ABLIM1: variants seen among roughly 807,000 people sequenced by gnomAD.
ABLIM1 encodes actin-binding LIM protein 1.
ABLIM1 carries 40 observed loss-of-function variants against 107.0 expected under a neutral mutation model. That is an observed-to-expected ratio of 0.37 (90% CI 0.29 to 0.49). The LOEUF is 0.49. Among genes scored for constraint, ABLIM1 ranks in the 20% least tolerant of loss-of-function variants. The pLI, the probability that ABLIM1 is intolerant of heterozygous loss-of-function variation, is 0.97. For synonymous variants in ABLIM1, 357 were observed against 357.3 expected, an observed-to-expected ratio of 1.00 and a Z score of 0.01; for missense variants, 857 against 1,008.5, an observed-to-expected ratio of 0.85 and a Z score of 2.04.
At chr10:114,676,219 C>T (rs1424189338) in intron 1 of ABLIM1, among the ~76,000 whole-genome samples, 1 of 152,180 alleles carries the variant, frequency 6.6e-6, no homozygotes, top group Admixed American at 6.5e-5. Flanking sequence ...TGGCTCACGC[C>T]TCTAATCACA....
intron 1 of ABLIM1, among the ~76,000 whole-genome samples, chr10:114,691,900 T>G (rs531944272): frequency 6.6e-6 from 1 of 152,330 alleles, no homozygotes; most frequent in South Asian, 2.1e-4. Context: ...ATACAGATTT[T>G]TGCTGTTGTG....
chr10:114,680,503 C>G (rs1216241859), intron 1 of ABLIM1, among the ~76,000 whole-genome samples: 1 of 152,162 alleles, frequency 6.6e-6, no homozygotes, highest in Non-Finnish European at 1.5e-5. Context: ...ATCATGTTAG[C>G]AAGGGGAAAA....
chr10:114,481,798 C>A (rs565207351), intron 8 of ABLIM1, among the ~76,000 whole-genome samples: 1 of 152,142 alleles, frequency 6.6e-6, no homozygotes, highest in African/African-American at 2.4e-5. Context: ...AATACTTGGA[C>A]GAAGTGAAAG....
the ABLIM1 span, among the ~76,000 whole-genome samples, chr10:114,786,154 T>G: frequency 6.6e-6 from 1 of 152,020 alleles, no homozygotes; most frequent in Non-Finnish European, 1.5e-5. Flanking sequence ...GAAAAGTAAA[T>G]TATTTGCAGA....
chr10:114,468,491 G>T (rs2065727863), intron 10 of ABLIM1, among the ~76,000 whole-genome samples: 1 of 152,014 alleles, frequency 6.6e-6, no homozygotes, highest in Non-Finnish European at 1.5e-5. Context: ...AGTCAGGATG[G>T]TCTCTATCTT....
intron 6 of ABLIM1, among the ~76,000 whole-genome samples, chr10:114,511,644 C>T (rs1430385972): frequency 3.3e-5 from 5 of 152,052 alleles, no homozygotes; most frequent in African/African-American, 1.2e-4. Flanking sequence ...GGATTACAGG[C>T]GTGAGCCACC....
At chr10:114,555,370 G>A (rs775949423) in intron 4 of ABLIM1, among the ~76,000 whole-genome samples, 1 of 152,172 alleles carries the variant, frequency 6.6e-6, no homozygotes, top group African/African-American at 2.4e-5. Context: ...GGCCTGGAGT[G>A]GGCCCGGGCT....
intron 6 of ABLIM1, among the ~76,000 whole-genome samples, chr10:114,511,332 T>C (rs1227509888): frequency 1.3e-5 from 2 of 152,004 alleles, no homozygotes; most frequent in Non-Finnish European, 2.9e-5. Context: ...GCAATGTTTT[T>C]CATTTTAATT....
chr10:114,705,842 A>C (rs534024578), intron 1 of ABLIM1, among the ~76,000 whole-genome samples: 3 of 152,344 alleles, frequency 2.0e-5, no homozygotes, highest in African/African-American at 7.2e-5. Flanking sequence ...ATCTTGTTTT[A>C]TGTGGAGAAG....
At chr10:114,774,661 CA>C in the ABLIM1 span, among the ~76,000 whole-genome samples, 1 of 152,122 alleles carries the variant, frequency 6.6e-6, no homozygotes. Context: ...CAGAGTTAAA[CA>C]GAGTAATAAG....
intron 17 of ABLIM1, among the ~76,000 whole-genome samples, chr10:114,442,314 C>T (rs7082001): frequency 6.6e-6 from 1 of 151,988 alleles, no homozygotes; most frequent in Non-Finnish European, 1.5e-5. Context: ...CTACAGCTGG[C>T]CTCCTGGGAG....
intron 6 of ABLIM1, 60 bp from the exon 7 acceptor site, chr10:114,491,938 T>G: frequency 7.5e-7 from 1 of 1,327,114 alleles, no homozygotes; most frequent in Non-Finnish European, 1.1e-6. Flanking sequence ...CCAGAATCTT[T>G]TCTGGACTTG....
chr10:114,552,191 G>C (rs2068147179), intron 4 of ABLIM1, among the ~76,000 whole-genome samples: 1 of 152,248 alleles, frequency 6.6e-6, no homozygotes, highest in Non-Finnish European at 1.5e-5. Flanking sequence ...GTGCTGGAGA[G>C]AGTGGAAAAG....
At chr10:114,656,506 G>A (rs1454772601) in intron 1 of ABLIM1, among the ~76,000 whole-genome samples, 1 of 151,978 alleles carries the variant, frequency 6.6e-6, no homozygotes, top group African/African-American at 2.4e-5. Context: ...ACCTGTATAT[G>A]ATGATCCTTT....
rs958335252 is a variant in ABLIM1, at chr10:114,743,327, T to C, written c.-213+24734A>G. On this transcript the variant is annotated intron_variant, in intron 1 of 15. Coordinates refer to the ABLIM1 transcript ENST00000651092. Reference sequence around the variant, plus strand: ...TGGAAGAACTCTCAGAGTAAGTAACTCAATTAGCTATTAAAGGTGTCATAT... The same window carrying C: ...TGGAAGAACTCTCAGAGTAAGTAACCCAATTAGCTATTAAAGGTGTCATAT... Among the ~76,000 whole-genome samples, 110 of 152,126 alleles carry C rather than the reference T, an allele frequency of 7.2e-4. 1 individual carries two copies. The highest frequency in any genetic ancestry group is 1.6e-4 in the Non-Finnish European group (11 of 68,024).
chr10:114,490,734 CAT>C (rs10603115), intron 7 of ABLIM1, among the ~76,000 whole-genome samples: 3,777 of 148,192 alleles, frequency 0.025, 154 homozygotes, highest in African/African-American at 0.088. Context: ...AAAAACTGAT[CAT>C]ATATATATAT....
chr10:114,703,356 T>C (rs1591849304), intron 1 of ABLIM1, among the ~76,000 whole-genome samples: 1 of 152,232 alleles, frequency 6.6e-6, no homozygotes, highest in East Asian at 1.9e-4. Flanking sequence ...CACAGCAGCT[T>C]ATCTAACCTT....
intron 1 of ABLIM1, among the ~76,000 whole-genome samples, chr10:114,753,525 A>G (rs142401162): frequency 6.6e-6 from 1 of 152,364 alleles, no homozygotes; most frequent in African/African-American, 2.4e-5. Flanking sequence ...CAGTCATAAA[A>G]CATGAGCAAT....
At chr10:114,741,889 G>A (rs917821633) in intron 1 of ABLIM1, among the ~76,000 whole-genome samples, 1 of 152,196 alleles carries the variant, frequency 6.6e-6, no homozygotes, top group Non-Finnish European at 1.5e-5. Flanking sequence ...AGTTGGCAAT[G>A]CCTTTGAATT....
Sources: gnomAD v4.1 joint callset for allele counts (sites outside exome capture counted in the v4.1 genomes callset) on GRCh38, gnomAD v4.1.1 for gene constraint, MANE v1.5 for transcripts, NCBI Gene and HGNC (gene_info 2026-07-23, HGNC 2026-07-21) for gene names.